The following COA1 variants were observed in gnomAD, a reference collection of about 807,000 sequenced individuals.
The protein encoded by COA1 is cytochrome c oxidase assembly factor 1 homolog.
Under a neutral mutation model 16.0 loss-of-function variants are expected in COA1, and 13 were observed. The observed-to-expected ratio is 0.81, with a 90% CI of 0.53 to 1.29. The LOEUF (loss-of-function observed/expected upper bound fraction) is 1.29, where lower values mean the gene tolerates loss of function less well. Among genes scored for constraint, COA1 ranks in the 50% most tolerant of loss-of-function variants. COA1 has a pLI of 0.00. For synonymous variants in COA1, 65 were observed against 65.7 expected (o/e 0.99, Z 0.05); for missense variants, 179 against 177.0 (o/e 1.01, Z -0.06).
intron 6 of COA1, among the ~76,000 whole-genome samples, chr7:43,627,301 T>C (rs2084668222): frequency 6.6e-6 from 1 of 152,254 alleles, no homozygotes; most frequent in African/African-American, 2.4e-5. Flanking sequence ...GAAGGACAGA[T>C]GCTCATTGTT....
intron 2 of COA1, 48 bp from the exon 3 acceptor site, chr7:43,647,682 C>T: frequency 6.7e-7 from 1 of 1,493,592 alleles, no homozygotes. Context: ...CAGTTTTGTG[C>T]CAAGGGGATT....
At chr7:43,724,102 A>G (rs2095563664) in intron 1 of COA1, among the ~76,000 whole-genome samples, 1 of 152,226 alleles carries the variant, frequency 6.6e-6, no homozygotes, top group African/African-American at 2.4e-5. Context: ...TTGGAAAGGT[A>G]AACGTGATAA....
At chr7:43,704,227 T>C (rs1398141928) in intron 1 of COA1, among the ~76,000 whole-genome samples, 3 of 152,234 alleles carry the variant, frequency 2.0e-5, no homozygotes, top group Non-Finnish European at 2.9e-5. Context: ...ACCTTCTATA[T>C]AGCTGCCTTG....
chr7:43,619,634 G>C, intron 6 of COA1: 2 of 1,614,044 alleles, frequency 1.2e-6, no homozygotes, highest in Non-Finnish European at 1.7e-6. Flanking sequence ...TCTCCATTGG[G>C]TGACATTAAG....
chr7:43,646,618 C>G (rs148481813), intron 3 of COA1: 2 of 456,618 alleles, frequency 4.4e-6, no homozygotes, highest in Non-Finnish European at 8.8e-6. Context: ...AAAGCTGAAC[C>G]CTGACCCAAA....
intron 1 of COA1, among the ~76,000 whole-genome samples, chr7:43,687,592 T>C (rs1475087656): frequency 6.6e-6 from 1 of 152,204 alleles, no homozygotes; most frequent in Admixed American, 6.5e-5. Context: ...GAATTAATTT[T>C]CCCTACATGT....
At chr7:43,701,576 AATGT>A (rs1378078921) in intron 1 of COA1, among the ~76,000 whole-genome samples, 1 of 152,184 alleles carries the variant, frequency 6.6e-6, no homozygotes, top group Non-Finnish European at 1.5e-5. Context: ...TAAATGTACA[AATGT>A]ATGTGTCTTC....
chr7:43,687,366 C>T (rs898752781), intron 1 of COA1, among the ~76,000 whole-genome samples: 1 of 152,140 alleles, frequency 6.6e-6, no homozygotes, highest in Non-Finnish European at 1.5e-5. Context: ...AGTGCTTCCT[C>T]GATAGCTTCA....
chr7:43,718,234 G>A (rs1384231806), intron 1 of COA1, among the ~76,000 whole-genome samples: 1 of 152,206 alleles, frequency 6.6e-6, no homozygotes, highest in African/African-American at 2.4e-5. Flanking sequence ...GTTAGCAGCA[G>A]ATAGAGTATA....
chr7:43,611,431 G>A (rs184817048), intron 6 of COA1, among the ~76,000 whole-genome samples: 3 of 152,250 alleles, frequency 2.0e-5, no homozygotes, highest in Non-Finnish European at 2.9e-5. Flanking sequence ...ACACAGTGGC[G>A]TTTTTTGAAA....
chr7:43,619,874 A>ATGGAAAAC lies in COA1; in HGVS notation c.*134-10387_*134-10380dup, dbSNP rs2083701111. The ATGGAAAAC allele has an allele frequency of 3.7e-5, 41 of 1,098,884 alleles. No individual in the cohort carries two copies. The South Asian group carries it at 6.8e-4, about 18-fold the overall frequency. The allele number at this position is 1,098,884 out of a possible 1,614,324, so 68.1% of individuals were successfully genotyped here. Reference sequence around the variant, plus strand: ...CTATTCCTTTGGATTACATTTTACAATGGAAAACGTTCAAGAGTAAGATAC... The same window carrying ATGGAAAAC: ...CTATTCCTTTGGATTACATTTTACAATGGAAAACTGGAAAACGTTCAAGAGTAAGATAC... On this transcript the variant is annotated intron_variant and NMD_transcript_variant, in intron 6 of 6. Transcript: ENST00000415076.
In COA1 at chr7:43,645,233, G is replaced by A. The variant is rs1029228063; in HGVS notation, c.264+18C>T. 7 of 1,612,406 alleles carry A rather than the reference G, an allele frequency of 4.3e-6. No homozygotes were observed. Among genetic ancestry groups the A allele is most frequent in the African/African-American group, 1.3e-5 (1 of 74,850 alleles). ...TTCAGCAGGCACCAGCCTGCGGTTC[G>A]CAGGGAAAGCACATTACCTTGGCAT... On this transcript the variant is annotated intron_variant, in intron 4 of 5. Transcript: ENST00000223336.
At chr7:43,682,531 A>G (rs1217704829) in intron 1 of COA1, among the ~76,000 whole-genome samples, 1 of 152,224 alleles carries the variant, frequency 6.6e-6, no homozygotes, top group Admixed American at 6.5e-5. Context: ...CACAACAGAA[A>G]GATGAAAATT....
intron 1 of COA1, among the ~76,000 whole-genome samples, chr7:43,720,319 T>G (rs1383411171): frequency 1.3e-5 from 2 of 152,082 alleles, no homozygotes; most frequent in Non-Finnish European, 2.9e-5. Context: ...CAGTATAATT[T>G]TGTGTTTTTA....
chr7:43,631,951 A>G (rs1246693207), intron 6 of COA1: 2 of 152,176 alleles, frequency 1.3e-5, no homozygotes, highest in African/African-American at 2.4e-5. Context: ...GAGGGTAGGA[A>G]AAGATAAGTT....
intron 1 of COA1, among the ~76,000 whole-genome samples, chr7:43,667,277 C>T (rs1488657427): frequency 6.6e-6 from 1 of 152,110 alleles, no homozygotes; most frequent in East Asian, 1.9e-4. Context: ...CTTCCTGATG[C>T]CTGGCTTTTT....
chr7:43,676,763 T>C (rs2093541532), intron 1 of COA1, among the ~76,000 whole-genome samples: 1 of 152,080 alleles, frequency 6.6e-6, no homozygotes, highest in Non-Finnish European at 1.5e-5. Context: ...AATATCACAT[T>C]GTACCCCATA....
At chr7:43,702,378 C>T (rs2094781614) in intron 1 of COA1, among the ~76,000 whole-genome samples, 2 of 152,142 alleles carry the variant, frequency 1.3e-5, no homozygotes, top group Admixed American at 1.3e-4. Context: ...TTACTGTTGT[C>T]AACGTTGTTG....
At chr7:43,639,953 C>T (rs1261019290) in intron 5 of COA1, among the ~76,000 whole-genome samples, 3 of 152,194 alleles carry the variant, frequency 2.0e-5, no homozygotes, top group Non-Finnish European at 4.4e-5. Flanking sequence ...TTCTCATTTC[C>T]TAATTCACAG....
Sources: allele counts gnomAD v4.1 joint callset (sites outside exome capture counted in the v4.1 genomes callset), GRCh38; gene constraint gnomAD v4.1.1; transcripts MANE v1.5; gene names NCBI Gene and HGNC (gene_info 2026-07-23, HGNC 2026-07-21).